Variants in LAIR1 observed in about 807,000 individuals in gnomAD.
The protein encoded by LAIR1 is leukocyte associated immunoglobulin like receptor 1, also known as leukocyte-associated immunoglobulin-like receptor 1.
Under a neutral mutation model 32.8 loss-of-function variants are expected in LAIR1, and 24 were observed. The ratio of observed to expected loss-of-function variants is 0.73; its 90% confidence interval spans 0.53 to 1.03. The LOEUF (loss-of-function observed/expected upper bound fraction) is 1.03. Among genes scored for constraint, LAIR1 ranks in the 50% least tolerant of loss-of-function variants. LAIR1 has a pLI of 0.00. For synonymous variants in LAIR1, 150 were observed against 140.5 expected (o/e 1.07, Z -0.48); for missense variants, 355 against 347.5 (o/e 1.02, Z -0.17).
chr19:54,358,850 G>C (rs1477795563), intron 4 of LAIR1, among the ~76,000 whole-genome samples: 1 of 151,768 alleles, frequency 6.6e-6, no homozygotes, highest in African/African-American at 2.4e-5. Context: ...CAGAACCACC[G>C]GGATTTGAAC....
chr19:54,361,368 C>T lies in LAIR1; in HGVS notation c.71-159G>A, dbSNP rs545452587. 7.8e-5 allele frequency: 57 copies of T among 729,378 alleles called. 2 individuals carry two copies. The South Asian group carries it at 9.4e-4, about 12-fold the overall frequency. 45.2% of individuals were successfully genotyped at this position (729,378 alleles called of 1,614,324 possible). A position where few individuals can be genotyped will look rare whatever the true frequency, so the allele number is the denominator to read the frequency against. On this transcript the variant is annotated intron_variant, in intron 2 of 9. Transcript: ENST00000391742. ...TAGAACATTCCCACGCCTCCTGCAC[C>T]TTCTACGTGCATGTGATTCTCATCA...
At chr19:54,357,429 G>T (rs2081775791) in intron 4 of LAIR1, 1 of 155,768 alleles carries the variant, frequency 6.4e-6, no homozygotes, top group African/African-American at 2.4e-5. Context: ...CCACCAGAGG[G>T]CAAGAATCCT....
At chr19:54,370,504 G>T (rs2082377972) in exon 1 of LAIR1, 2 of 420,088 alleles carry the variant, frequency 4.8e-6, no homozygotes, top group Admixed American at 4.1e-5. Context: ...TTCCCTTCCA[G>T]GGTTTACCAA....
chr19:54,356,994 G>A (rs910710131), intron 4 of LAIR1, 28 bp from the exon 5 acceptor site: 1 of 1,610,828 alleles, frequency 6.2e-7, no homozygotes, highest in Non-Finnish European at 8.5e-7. Flanking sequence ...GAAGGAGGAG[G>A]AGTTAGAGTC....
At position 54,364,497 on chromosome 19, in the gene LAIR1, G is replaced by T. The variant is rs774473451; in HGVS notation, c.35-167C>A. The T allele has an allele frequency of 1.2e-6, 1 of 809,668 alleles. No homozygotes were observed. The highest frequency in any genetic ancestry group is 2.1e-6 in the Non-Finnish European group (1 of 469,060). 50.2% of individuals were successfully genotyped at this position (809,668 alleles called of 1,614,324 possible). On this transcript the variant is annotated intron_variant, in intron 1 of 9. Coordinates refer to ENST00000391742, the MANE Select transcript of LAIR1 (RefSeq NM_002287.6). The surrounding 1 kb of genome is among the most constrained non-coding windows in gnomAD (Gnocchi z 4.8). ...ATGTAATCCTTCTTGCTGCAAAATG[G>T]TTTCAAGATAAATCCCAAAGTCTCC...
rs769501839 is a variant in LAIR1, at chr19:54,364,462, C to T, written c.35-132G>A. ...CGACCAAGCCAACCCTCCTCGACATCACTGTCTCCATGTAATCCTTCTTGC... is the reference window on the plus strand; with the variant it reads ...CGACCAAGCCAACCCTCCTCGACATTACTGTCTCCATGTAATCCTTCTTGC... On this transcript the variant is annotated intron_variant, in intron 1 of 9. Coordinates refer to ENST00000391742, the MANE Select transcript of LAIR1 (RefSeq NM_002287.6). The surrounding 1 kb of genome is among the most constrained non-coding windows in gnomAD (Gnocchi z 4.8). The T allele has an allele frequency of 3.5e-5, 30 of 851,888 alleles. No individual in the cohort carries two copies. Among genetic ancestry groups the T allele is most frequent in the Middle Eastern group, 2.1e-4 (1 of 4,654 alleles). The allele number at this position is 851,888 out of a possible 1,614,324, so 52.8% of individuals were successfully genotyped here. A position where few individuals can be genotyped will look rare whatever the true frequency, so the allele number is the denominator to read the frequency against.
upstream of LAIR1, among the ~76,000 whole-genome samples, chr19:54,371,770 C>T (rs2082411375): frequency 6.6e-6 from 1 of 151,574 alleles, no homozygotes; most frequent in Non-Finnish European, 1.5e-5. Context: ...TCATTTGTTC[C>T]TGCGTTTCTC....
chr19:54,352,252 C>A lies in LAIR1; in HGVS notation c.*3016G>T, dbSNP rs532983035. ...CCCACTGCAGCCTCCTGGTGTTCAC[C>A]GCCAGGGCACACCCCAGGGGAACTG... On this transcript the variant is annotated 3_prime_UTR_variant, in exon 10 of 10. Transcript: ENST00000391742. The A allele has an allele frequency of 6.5e-5, 10 of 153,762 alleles. No homozygotes were observed. The highest frequency in any genetic ancestry group is 1.3e-4 in the Non-Finnish European group (9 of 68,092). The allele number at this position is 153,762 out of a possible 1,614,324, so 9.5% of individuals were successfully genotyped here.
At chr19:54,367,897 C>A (rs1003906534), upstream of LAIR1, among the ~76,000 whole-genome samples, 6 of 149,658 alleles carry the variant, frequency 4.0e-5, no homozygotes, top group African/African-American at 1.5e-4. Flanking sequence ...CTCAGCCTCC[C>A]CAGTAGCTGG....
At chr19:54,373,771 C>G (rs2082459064), upstream of LAIR1, among the ~76,000 whole-genome samples, 1 of 152,294 alleles carries the variant, frequency 6.6e-6, no homozygotes, top group South Asian at 2.1e-4. Context: ...ATGTAAATGA[C>G]CAGTGCGGTT....
At chr19:54,371,918 G>C (rs767878363), upstream of LAIR1, among the ~76,000 whole-genome samples, 56 of 151,538 alleles carry the variant, frequency 3.7e-4, no homozygotes, top group Non-Finnish European at 7.4e-4. Context: ...ATTTGGGCGG[G>C]CTTATTTCGT....
chr19:54,356,015 G>T lies in LAIR1; in HGVS notation c.665-9C>A, dbSNP rs116304014. On this transcript the variant is annotated splice_polypyrimidine_tract_variant and intron_variant, in intron 8 of 9. Coordinates refer to ENST00000391742, the MANE Select transcript of LAIR1 (RefSeq NM_002287.6). ...ATTGACTGTGGCCTTGTCTTGGGGA[G>T]AAAATACATGGTCAGTTTTCTGGGG... 3.0e-3 allele frequency: 4,871 copies of T among 1,604,820 alleles called. 118 individuals carry two copies. The African/African-American group carries it at 0.057, about 19-fold the overall frequency.
At chr19:54,362,727 C>T (rs1463403154) in intron 2 of LAIR1, among the ~76,000 whole-genome samples, 2 of 152,228 alleles carry the variant, frequency 1.3e-5, no homozygotes, top group Non-Finnish European at 2.9e-5. Context: ...CTCAAGTGAT[C>T]CACCCACCTC....
upstream of LAIR1, among the ~76,000 whole-genome samples, chr19:54,368,029 C>T (rs985553536): frequency 1.3e-5 from 2 of 151,926 alleles, no homozygotes; most frequent in Admixed American, 1.3e-4. Flanking sequence ...GCCTCGGCCT[C>T]CCAAAGTGCT....
At chr19:54,367,750 A>ATAT (rs201003400), upstream of LAIR1, among the ~76,000 whole-genome samples, 6 of 148,236 alleles carry the variant, frequency 4.0e-5, no homozygotes, top group African/African-American at 1.3e-4. Flanking sequence ...CATCTAAAAA[A>ATAT]ATATATATTT....
upstream of LAIR1, among the ~76,000 whole-genome samples, chr19:54,373,658 G>A (rs560772770): frequency 6.6e-6 from 1 of 151,952 alleles, no homozygotes; most frequent in South Asian, 2.1e-4. Flanking sequence ...AGCCAAGAGT[G>A]GTGGTGCACA....
At chr19:54,362,345 T>A (rs2122525229) in intron 2 of LAIR1, among the ~76,000 whole-genome samples, 1 of 152,322 alleles carries the variant, frequency 6.6e-6, no homozygotes, top group African/African-American at 2.4e-5. Context: ...CTTTTAACCA[T>A]ATCTCAGTTA....
chr19:54,357,023 G>C, intron 4 of LAIR1, 57 bp from the exon 5 acceptor site: 1 of 1,536,586 alleles, frequency 6.5e-7, no homozygotes, highest in South Asian at 1.1e-5. Flanking sequence ...GACAGAGAAG[G>C]CTCTGAGTCC....
chr19:54,356,688 G>C, intron 5 of LAIR1, 69 bp from the exon 6 acceptor site: 1 of 1,463,758 alleles, frequency 6.8e-7, no homozygotes, highest in Non-Finnish European at 9.5e-7. Context: ...CCACACACAC[G>C]TCACGTGCGT....
Sources: gnomAD v4.1 joint callset for allele counts (sites outside exome capture counted in the v4.1 genomes callset) on GRCh38, gnomAD v4.1.1 for gene constraint, Gnocchi (gnomAD v3.1) non-coding constraint, MANE v1.5 for transcripts, NCBI Gene and HGNC (gene_info 2026-07-23, HGNC 2026-07-21) for gene names.